Variants in MIPOL1 observed in about 807,000 individuals in gnomAD.
MIPOL1 encodes the protein mirror-image polydactyly gene 1 protein.
MIPOL1 carries 57 observed loss-of-function variants against 60.9 expected under a neutral mutation model. That is an observed-to-expected ratio of 0.94 (90% CI 0.76 to 1.17). The LOEUF (loss-of-function observed/expected upper bound fraction) is 1.17, where lower values mean the gene tolerates loss of function less well. Among genes scored for constraint, MIPOL1 ranks in the 50% most tolerant of loss-of-function variants. The probability of loss-of-function intolerance (pLI) is 0.00; values close to 1 mark genes in which losing one functional copy is unlikely to be tolerated. For synonymous variants in MIPOL1, 179 were observed against 168.8 expected (o/e 1.06, Z -0.47); for missense variants, 551 against 511.6 (o/e 1.08, Z -0.74).
chr14:37,227,823 T>A (rs1179703240), intron 1 of MIPOL1: 3 of 152,196 alleles, frequency 2.0e-5, no homozygotes, highest in Non-Finnish European at 2.9e-5. Flanking sequence ...AAGGAGCTCA[T>A]AGAATGCCTT....
rs575138450 is a variant in MIPOL1, at chr14:37,482,993, C to T, written c.1032-16915C>T. Among the ~76,000 whole-genome samples, 200 of 152,070 alleles carry T rather than the reference C, an allele frequency of 1.3e-3. 1 individual carries two copies. The highest frequency in any genetic ancestry group is 3.8e-3 in the African/African-American group (157 of 41,480). On this transcript the variant is annotated intron_variant, in intron 11 of 12. Coordinates refer to ENST00000684589, the MANE Select transcript of MIPOL1 (RefSeq NM_001388067.1). ...AACCTATGCACATCCTCCTATATAC[C>T]TTAAATCATCTCTAGCTTATACCTA...
intron 7 of MIPOL1, among the ~76,000 whole-genome samples, chr14:37,302,401 A>T (rs1315561644): frequency 6.6e-6 from 1 of 151,022 alleles, no homozygotes; most frequent in Non-Finnish European, 1.5e-5. Context: ...TTTCATCTGC[A>T]TATCTTCTTT....
At chr14:37,337,895 A>G (rs1422044615) in intron 9 of MIPOL1, among the ~76,000 whole-genome samples, 2 of 151,854 alleles carry the variant, frequency 1.3e-5, no homozygotes, top group African/African-American at 2.4e-5. Flanking sequence ...GATAAAATCC[A>G]ATTTATTTTT....
intron 1 of MIPOL1, among the ~76,000 whole-genome samples, chr14:37,200,900 ATTTTTT>A (rs60919541): frequency 1.9e-5 from 1 of 53,950 alleles, no homozygotes; most frequent in Non-Finnish European, 3.6e-5. Context: ...GTGTGTGTGT[ATTTTTT>A]TTTTTTTTTT....
intron 3 of MIPOL1, among the ~76,000 whole-genome samples, chr14:37,253,531 TA>T (rs1037702421): frequency 5.9e-5 from 9 of 151,432 alleles, no homozygotes; most frequent in African/African-American, 9.7e-5. Flanking sequence ...ATACATAAAA[TA>T]AAAAAAATTA....
chr14:37,304,283 T>C (rs1483077593), intron 7 of MIPOL1, among the ~76,000 whole-genome samples: 1 of 151,794 alleles, frequency 6.6e-6, no homozygotes, highest in African/African-American at 2.4e-5. Context: ...CTTTGTCTTA[T>C]TCTGCCTCTC....
At chr14:37,516,397 A>G (rs1594830390) in intron 12 of MIPOL1, among the ~76,000 whole-genome samples, 1 of 152,192 alleles carries the variant, frequency 6.6e-6, no homozygotes, top group South Asian at 2.1e-4. Flanking sequence ...TTTATGCTCA[A>G]TAATTTCATT....
At chr14:37,355,526 T>A (rs866863119) in intron 9 of MIPOL1, among the ~76,000 whole-genome samples, 1 of 151,336 alleles carries the variant, frequency 6.6e-6, no homozygotes, top group African/African-American at 2.4e-5. Flanking sequence ...CCATTCTCCC[T>A]GTCACTTTCA....
At chr14:37,356,869 C>G (rs1474983394) in intron 9 of MIPOL1, among the ~76,000 whole-genome samples, 1 of 152,174 alleles carries the variant, frequency 6.6e-6, no homozygotes, top group Non-Finnish European at 1.5e-5. Context: ...ACTGTCTTCC[C>G]CGTCGGCCAC....
chr14:37,375,076 TCTC>T (rs1166489090), intron 10 of MIPOL1, among the ~76,000 whole-genome samples: 1 of 152,178 alleles, frequency 6.6e-6, no homozygotes, highest in Non-Finnish European at 1.5e-5. Context: ...GGTTTGTAGT[TCTC>T]CTTGAAGAGG....
At chr14:37,541,347 A>G (rs976012115) in intron 12 of MIPOL1, among the ~76,000 whole-genome samples, 6 of 152,008 alleles carry the variant, frequency 3.9e-5, no homozygotes, top group African/African-American at 1.5e-4. Flanking sequence ...GGGTTTAATC[A>G]CTTTCTCCCT....
chr14:37,280,906 T>C (rs2084052087), intron 6 of MIPOL1, among the ~76,000 whole-genome samples: 1 of 152,120 alleles, frequency 6.6e-6, no homozygotes. Flanking sequence ...TCCTTGTATA[T>C]TTTTGGTATT....
chr14:37,459,167 T>C (rs958659236), intron 11 of MIPOL1, among the ~76,000 whole-genome samples: 17 of 150,612 alleles, frequency 1.1e-4, no homozygotes, highest in Non-Finnish European at 1.5e-5. Flanking sequence ...ATAACAAAGC[T>C]CAGAGCAGAA....
intron 10 of MIPOL1, among the ~76,000 whole-genome samples, chr14:37,384,574 A>G (rs1447767437): frequency 6.6e-6 from 1 of 151,984 alleles, no homozygotes; most frequent in Non-Finnish European, 1.5e-5. Context: ...CATTTCTTAC[A>G]TGGATTGCAC....
chr14:37,236,430 G>A (rs1971490966), intron 1 of MIPOL1, among the ~76,000 whole-genome samples: 1 of 151,712 alleles, frequency 6.6e-6, no homozygotes, highest in East Asian at 1.9e-4. Flanking sequence ...TGTTTCTTTT[G>A]AGGCTTTTCT....
intron 11 of MIPOL1, among the ~76,000 whole-genome samples, chr14:37,435,655 C>T (rs17179057): frequency 0.23 from 34,457 of 151,984 alleles, 4,429 homozygotes; most frequent in South Asian, 0.36. Context: ...AACTTAACAG[C>T]AGGTTGCCTG....
intron 10 of MIPOL1, among the ~76,000 whole-genome samples, chr14:37,390,781 A>G (rs575219528): frequency 1.7e-4 from 26 of 152,074 alleles, no homozygotes; most frequent in African/African-American, 5.8e-4. Flanking sequence ...CTGAGAGACA[A>G]TGAAACTCAA....
At chr14:37,290,375 G>A (rs2084949622) in intron 7 of MIPOL1, among the ~76,000 whole-genome samples, 1 of 152,064 alleles carries the variant, frequency 6.6e-6, no homozygotes, top group East Asian at 1.9e-4. Context: ...ACAGGTGAGT[G>A]CCACCACACC....
Position 37,504,705 on chromosome 14 carries a change from C to G in MIPOL1, c.1262+4567C>G, listed in dbSNP as rs142099877. 7.9e-5 allele frequency: 12 copies of G among 152,176 alleles called. No homozygotes were observed. In the East Asian group the frequency reaches 2.3e-3, roughly 29 times the overall value. The allele number at this position is 152,176 out of a possible 1,614,324, so 9.4% of individuals were successfully genotyped here. ...CATCACAATTAAAAGAACTGAGAAG[C>G]AAGAGCAAACAAATTCAAAAGCTAG... is the stretch of plus-strand genomic sequence containing the variant. On this transcript the variant is annotated intron_variant, in intron 12 of 12. Transcript: ENST00000684589.
Sources: allele counts gnomAD v4.1 joint callset (sites outside exome capture counted in the v4.1 genomes callset), GRCh38; gene constraint gnomAD v4.1.1; transcripts MANE v1.5; gene names NCBI Gene and HGNC (gene_info 2026-07-23, HGNC 2026-07-21).